SCN7A: variants seen among roughly 807,000 people sequenced by gnomAD.
SCN7A encodes sodium voltage-gated channel alpha subunit 7.
SCN7A carries 138 observed loss-of-function variants against 155.2 expected under a neutral mutation model. That is an observed-to-expected ratio of 0.89 (90% CI 0.77 to 1.02). The LOEUF is 1.02. SCN7A is among the 50% of genes least tolerant of loss of function. The pLI, the probability that SCN7A is intolerant of heterozygous loss-of-function variation, is 0.00. For synonymous variants in SCN7A, 693 were observed against 649.0 expected (o/e 1.07, Z -1.03); for missense variants, 2,058 against 1,986.6 (o/e 1.04, Z -0.68).
intron 9 of SCN7A, among the ~76,000 whole-genome samples, chr2:166,464,325 G>A (rs1030525598): frequency 6.6e-6 from 1 of 151,886 alleles, no homozygotes; most frequent in Non-Finnish European, 1.5e-5. Context: ...TGTTAACCTG[G>A]GCACCAGAGT....
chr2:166,410,956 G>GCA (rs906917490), intron 23 of SCN7A, among the ~76,000 whole-genome samples: 22 of 151,912 alleles, frequency 1.4e-4, no homozygotes, highest in African/African-American at 5.3e-4. Context: ...ATCAGGACCT[G>GCA]GTCACTTAAA....
intron 25 of SCN7A, among the ~76,000 whole-genome samples, chr2:166,406,967 T>A (rs1559083338): frequency 1.3e-5 from 2 of 152,000 alleles, no homozygotes; most frequent in Non-Finnish European, 2.9e-5. Context: ...TAGTCATAAT[T>A]TTTTATTGCT....
intron 2 of SCN7A, among the ~76,000 whole-genome samples, chr2:166,478,386 C>G (rs1199852212): frequency 1.3e-5 from 2 of 151,468 alleles, no homozygotes; most frequent in Non-Finnish European, 3.0e-5. Flanking sequence ...CCTTCTTCCT[C>G]TGTTATATCT....
At position 166,488,660 on chromosome 2, in the gene SCN7A, C is replaced by T. The variant is rs567479998; in HGVS notation, c.-127-1692G>A. Among the ~76,000 whole-genome samples the T allele has an allele frequency of 1.2e-4, 18 of 148,788 alleles. 1 individual carries two copies. Among genetic ancestry groups the T allele is most frequent in the Non-Finnish European group, 2.1e-4 (14 of 67,500 alleles). On this transcript the variant is annotated intron_variant, in intron 1 of 25. Coordinates refer to ENST00000643258, the MANE Select transcript of SCN7A (RefSeq NM_002976.4). ...TTTTTTTTTTTATTTTTTTTTGAGA[C>T]GGAGTCTCACTCTGTTGCCCAGGCT...
chr2:166,471,204 C>G (rs1479398370), intron 6 of SCN7A, among the ~76,000 whole-genome samples: 1 of 151,788 alleles, frequency 6.6e-6, no homozygotes, highest in African/African-American at 2.4e-5. Flanking sequence ...GACTCTGAAG[C>G]CAGACTGCTT....
rs763389209 is a variant in SCN7A at position 166,406,600 on chromosome 2, T to A, written c.4029A>T (p.Ser1343=). 6.2e-7 allele frequency: 1 copy of A among 1,611,940 alleles called. No individual in the cohort carries two copies. Among genetic ancestry groups the A allele is most frequent in the Non-Finnish European group, 8.5e-7 (1 of 1,178,782 alleles). The change falls in exon 26 of 26, where the codon TCA becomes TCT. Residue 1343 remains serine, a synonymous_variant. Coordinates refer to ENST00000643258, the MANE Select transcript of SCN7A (RefSeq NM_002976.4). ...GTGAGAGAAGTATCAGTTGCACAAG[T>A]GAAGGAGGCACAAGGTAGGATCCTA... is the stretch of plus-strand genomic sequence containing the variant. The part of the protein sequence containing the change: ...MTVGSYLVPP[S]LVQLILLSRI...
intron 9 of SCN7A, among the ~76,000 whole-genome samples, chr2:166,463,846 A>G (rs1702465682): frequency 6.6e-6 from 1 of 152,088 alleles, no homozygotes; most frequent in South Asian, 2.1e-4. Context: ...GCTTAAGCCC[A>G]AGAGGTCAAG....
rs1172049772 is a variant in SCN7A, at chr2:166,412,609, A to G, written c.3527T>C (p.Phe1176Ser). Residue 1176 changes from phenylalanine (F) to serine (S), a missense_variant, in exon 23 of 26, where the codon TTT (phenylalanine) becomes TCT (serine). Physicochemically the swap from Phe to Ser is radical, Grantham distance 155 (BLOSUM62 -2). Transcript: ENST00000643258. ...NIYMYCYFIN[F>S]IIFGVFLPLS... ...AGGGAGAAATACTCCAAATATAATAAAGTTGATAAAGTAACAATACATGTA... is the reference window on the plus strand; with the variant it reads ...AGGGAGAAATACTCCAAATATAATAGAGTTGATAAAGTAACAATACATGTA... The G allele has an allele frequency of 6.6e-7, 1 of 1,523,916 alleles. No individual in the cohort carries two copies. Among genetic ancestry groups the G allele is most frequent in the African/African-American group, 1.4e-5 (1 of 71,804 alleles). The allele number at this position is 1,523,916 out of a possible 1,614,324, so 94.4% of individuals were successfully genotyped here.
chr2:166,440,172 C>T (rs957917987), intron 15 of SCN7A, among the ~76,000 whole-genome samples: 3 of 152,140 alleles, frequency 2.0e-5, no homozygotes, highest in Non-Finnish European at 2.9e-5. Context: ...CTTGACTACA[C>T]AATTTAATCA....
At chr2:166,441,248 C>A in intron 15 of SCN7A, 148 bp downstream of exon 15, 2 of 540,162 alleles carry the variant, frequency 3.7e-6, no homozygotes, top group South Asian at 6.5e-5. Context: ...AATCATATAT[C>A]AGTTGATAAT....
intron 19 of SCN7A, among the ~76,000 whole-genome samples, chr2:166,421,533 G>C (rs1559093830): frequency 2.6e-5 from 4 of 151,818 alleles, no homozygotes; most frequent in Admixed American, 2.0e-4. Context: ...CTGGTAATAA[G>C]GAACATATTT....
chr2:166,463,370 C>T (rs1702455793), intron 9 of SCN7A, among the ~76,000 whole-genome samples: 2 of 152,082 alleles, frequency 1.3e-5, no homozygotes, highest in Non-Finnish European at 2.9e-5. Flanking sequence ...AGTCATGTTA[C>T]TTGTTGTAGT....
intron 2 of SCN7A, among the ~76,000 whole-genome samples, chr2:166,479,082 T>A (rs1702863890): frequency 6.6e-6 from 1 of 152,102 alleles, no homozygotes; most frequent in South Asian, 2.1e-4. Context: ...TTTGATATTG[T>A]GGCATTTTGC....
chr2:166,427,029 A>C (rs1189889374), intron 18 of SCN7A, among the ~76,000 whole-genome samples: 1 of 152,058 alleles, frequency 6.6e-6, no homozygotes, highest in Non-Finnish European at 1.5e-5. Flanking sequence ...TATACATTCT[A>C]TTTTTATTCC....
intron 20 of SCN7A, among the ~76,000 whole-genome samples, chr2:166,419,955 CAGAT>C (rs1249819929): frequency 2.0e-5 from 3 of 151,920 alleles, no homozygotes; most frequent in South Asian, 2.1e-4. Flanking sequence ...ATTTAAGAAA[CAGAT>C]AGATCAGGCC....
chr2:166,414,303 T>C lies in SCN7A; in HGVS notation c.3415-1182A>G, dbSNP rs1227665149. Among the ~76,000 whole-genome samples the C allele has an allele frequency of 5.3e-5, 5 of 94,824 alleles. 1 individual carries two copies. Among genetic ancestry groups the C allele is most frequent in the African/African-American group, 2.6e-4 (5 of 19,500 alleles). The allele number at this position is 94,824 out of a possible 152,430, so 62.2% of individuals were successfully genotyped here. On this transcript the variant is annotated intron_variant, in intron 21 of 25. Transcript: ENST00000643258. ...ATATATATACACACACATATATATA[T>C]ATATATATACACATATATATATATA...
chr2:166,420,505 T>C (rs1286218157), intron 20 of SCN7A, among the ~76,000 whole-genome samples: 22 of 152,122 alleles, frequency 1.4e-4, no homozygotes, highest in Admixed American at 1.2e-3. Flanking sequence ...ATACTACTTG[T>C]GGTGGTCACA....
At chr2:166,424,593 G>A (rs1051513574) in intron 18 of SCN7A, among the ~76,000 whole-genome samples, 6 of 151,940 alleles carry the variant, frequency 3.9e-5, no homozygotes, top group East Asian at 3.9e-4. Flanking sequence ...TAATAATAGA[G>A]GGATCAGTAC....
intron 11 of SCN7A, 81 bp downstream of exon 11, chr2:166,456,789 T>G: frequency 1.6e-6 from 1 of 626,460 alleles, no homozygotes; most frequent in Non-Finnish European, 2.4e-6. Flanking sequence ...AAATGATTGC[T>G]GTTTCAAGAC....
Sources: allele counts gnomAD v4.1 joint callset (sites outside exome capture counted in the v4.1 genomes callset), GRCh38; gene constraint gnomAD v4.1.1; transcripts MANE v1.5; gene names NCBI Gene and HGNC (gene_info 2026-07-23, HGNC 2026-07-21).